ATP6V1G1: variants seen among roughly 807,000 people sequenced by gnomAD.
ATP6V1G1 encodes the protein ATPase H+ transporting V1 subunit G1, also known as V-type proton ATPase subunit G 1.
Under a neutral mutation model 14.2 loss-of-function variants are expected in ATP6V1G1, and 14 were observed. That is an observed-to-expected ratio of 0.99 (90% CI 0.65 to 1.55). ATP6V1G1 has a LOEUF of 1.55. Ranked by LOEUF, ATP6V1G1 falls within the 40% of genes most tolerant of loss-of-function variation. The pLI is 0.00. For missense variants in ATP6V1G1, 137 were observed against 146.4 expected, an observed-to-expected ratio of 0.94 and a Z score of 0.33; for synonymous variants, 65 against 53.3, an observed-to-expected ratio of 1.22 and a Z score of -0.96.
chr9:114,597,152 G>A lies in ATP6V1G1; in HGVS notation c.184-418G>A, dbSNP rs183883726. ...ACTACAGGCGCCCGCTACCACGCCC[G>A]GCTAATTTTTTGTATTTTTAGTAGA... On this transcript the variant is annotated intron_variant, in intron 2 of 2. Transcript: ENST00000374050. 5.0e-3 allele frequency among the ~76,000 whole-genome samples: 754 copies of A among 151,644 alleles called. 2 individuals carry two copies. Among genetic ancestry groups the A allele is most frequent in the Non-Finnish European group, 7.8e-3 (531 of 67,888 alleles).
chr9:114,590,690 T>C (rs1845174535), intron 1 of ATP6V1G1, among the ~76,000 whole-genome samples: 1 of 152,032 alleles, frequency 6.6e-6, no homozygotes, highest in South Asian at 2.1e-4. Context: ...AGTTAAGAGT[T>C]GGGAAGAGGC....
chr9:114,596,077 G>A (rs1032301440), intron 2 of ATP6V1G1, among the ~76,000 whole-genome samples: 1 of 152,084 alleles, frequency 6.6e-6, no homozygotes, highest in Non-Finnish European at 1.5e-5. Context: ...GTCAGTGTGT[G>A]TGAAATTGCT....
At chr9:114,593,484 T>G (rs1045956816) in intron 2 of ATP6V1G1, among the ~76,000 whole-genome samples, 1 of 152,012 alleles carries the variant, frequency 6.6e-6, no homozygotes, top group African/African-American at 2.4e-5. Flanking sequence ...TAGCAAAAAT[T>G]TTGATCAATT....
chr9:114,588,197 C>T (rs1312332270), intron 1 of ATP6V1G1: 1 of 459,444 alleles, frequency 2.2e-6, no homozygotes, highest in Non-Finnish European at 3.9e-6. Flanking sequence ...CCAAACGGAG[C>T]TCTTTGTTCT....
chr9:114,588,980 TGTG>T (rs1010708098), intron 1 of ATP6V1G1, among the ~76,000 whole-genome samples: 34 of 152,324 alleles, frequency 2.2e-4, no homozygotes, highest in Admixed American at 2.1e-3. Context: ...ACTGAATCGT[TGTG>T]GTCCCTCAGA....
rs145764555 is a variant in ATP6V1G1 at position 114,598,290 on chromosome 9, T to A, written c.*547T>A. Reference sequence around the variant, plus strand: ...GCTTTTAGTTTCTCTTAATCAAAATTACTAGATGATAGAATTCAAGAACTT... The same window carrying A: ...GCTTTTAGTTTCTCTTAATCAAAATAACTAGATGATAGAATTCAAGAACTT... On this transcript the variant is annotated 3_prime_UTR_variant, in exon 3 of 3. Transcript: ENST00000374050. 7 of 152,742 alleles carry A rather than the reference T, an allele frequency of 4.6e-5. No individual in the cohort carries two copies. Among genetic ancestry groups the A allele is most frequent in the African/African-American group, 1.7e-4 (7 of 41,574 alleles). 9.5% of individuals were successfully genotyped at this position (152,742 alleles called of 1,614,324 possible).
rs1845258406 is a variant in ATP6V1G1 at position 114,597,983 on chromosome 9, CT to C, written c.*247del. 1 of 275,488 alleles carries C rather than the reference CT, an allele frequency of 3.6e-6. No individual in the cohort carries two copies. Among genetic ancestry groups the C allele is most frequent in the Non-Finnish European group, 6.5e-6 (1 of 153,350 alleles). The allele number at this position is 275,488 out of a possible 1,614,324, so 17.1% of individuals were successfully genotyped here. A position where few individuals can be genotyped will look rare whatever the true frequency, so the allele number is the denominator to read the frequency against. ...TAGGAATTTAATGGTTATATGTTGTCTTTTTTTCCTATGTCTTTTGGCTCAA... is the reference window on the plus strand; with the variant it reads ...TAGGAATTTAATGGTTATATGTTGTCTTTTTTCCTATGTCTTTTGGCTCAA... On this transcript the variant is annotated 3_prime_UTR_variant, in exon 3 of 3. Transcript: ENST00000374050.
intron 1 of ATP6V1G1, chr9:114,588,182 G>C (rs1359189448): frequency 1.8e-5 from 9 of 512,082 alleles, no homozygotes; most frequent in Non-Finnish European, 2.4e-5. Flanking sequence ...TGTGAAATGG[G>C]CTCTCCAAAC....
Position 114,597,519 on chromosome 9 carries a change from A to G in ATP6V1G1, c.184-51A>G, listed in dbSNP as rs368300242. 33 of 1,406,020 alleles carry G rather than the reference A, an allele frequency of 2.3e-5. No homozygotes were observed. In the African/African-American group the frequency reaches 3.7e-4, roughly 16 times the overall value. The allele number at this position is 1,406,020 out of a possible 1,614,324, so 87.1% of individuals were successfully genotyped here. A position where few individuals can be genotyped will look rare whatever the true frequency, so the allele number is the denominator to read the frequency against. The stretch of plus-strand genomic sequence containing the variant: ...GTAGCTTACGAAATGTACCTGACCA[A>G]CCAGAGCATTGTTCTGATAATCCCT... On this transcript the variant is annotated intron_variant, in intron 2 of 2. Coordinates refer to ENST00000374050, the MANE Select transcript of ATP6V1G1 (RefSeq NM_004888.4).
chr9:114,589,026 G>A (rs1372946762), intron 1 of ATP6V1G1, among the ~76,000 whole-genome samples: 1 of 152,230 alleles, frequency 6.6e-6, no homozygotes, highest in Non-Finnish European at 1.5e-5. Context: ...GCAGGTTTTT[G>A]CACACGCTGT....
At chr9:114,591,451 G>T (rs180752842) in intron 1 of ATP6V1G1, among the ~76,000 whole-genome samples, 1 of 152,312 alleles carries the variant, frequency 6.6e-6, no homozygotes, top group Non-Finnish European at 1.5e-5. Context: ...TATAGCTGAT[G>T]GGAAGATAGC....
At chr9:114,588,767 C>T (rs1230548653) in intron 1 of ATP6V1G1, among the ~76,000 whole-genome samples, 5 of 152,122 alleles carry the variant, frequency 3.3e-5, no homozygotes, top group African/African-American at 1.2e-4. Flanking sequence ...TCAATCCATT[C>T]TCCTCTCTGC....
In ATP6V1G1 at chr9:114,597,983, C is replaced by T; in HGVS notation, c.*240C>T. 1 of 275,494 alleles carries T rather than the reference C, an allele frequency of 3.6e-6. No homozygotes were observed. The highest frequency in any genetic ancestry group is 6.5e-6 in the Non-Finnish European group (1 of 153,354). The allele number at this position is 275,494 out of a possible 1,614,324, so 17.1% of individuals were successfully genotyped here. On this transcript the variant is annotated 3_prime_UTR_variant, in exon 3 of 3. Coordinates refer to ENST00000374050, the MANE Select transcript of ATP6V1G1 (RefSeq NM_004888.4). ...TAGGAATTTAATGGTTATATGTTGT[C>T]TTTTTTTCCTATGTCTTTTGGCTCA...
Position 114,597,556 on chromosome 9 carries a change from C to G in ATP6V1G1, c.184-14C>G. 2 of 1,486,116 alleles carry G rather than the reference C, an allele frequency of 1.3e-6. No homozygotes were observed. The highest frequency in any genetic ancestry group is 1.8e-6 in the Non-Finnish European group (2 of 1,117,696). The allele number at this position is 1,486,116 out of a possible 1,614,324, so 92.1% of individuals were successfully genotyped here. Reference sequence around the variant, plus strand: ...TTCTGATAATCCCTCCGTGACATCACTCCCCATCTCCAGGCATTGGGATCC... The same window carrying G: ...TTCTGATAATCCCTCCGTGACATCAGTCCCCATCTCCAGGCATTGGGATCC... On this transcript the variant is annotated splice_polypyrimidine_tract_variant and intron_variant, in intron 2 of 2. Coordinates refer to ENST00000374050, the MANE Select transcript of ATP6V1G1 (RefSeq NM_004888.4).
At chr9:114,588,510 A>AGTGTGTGTGT (rs66783144) in intron 1 of ATP6V1G1, among the ~76,000 whole-genome samples, 3,104 of 147,168 alleles carry the variant, frequency 0.021, 65 homozygotes, top group East Asian at 0.052. Context: ...TGGCAAGCGC[A>AGTGTGTGTGT]GTGTGTGTGT....
At chr9:114,591,758 A>C (rs1426903769) in intron 1 of ATP6V1G1, among the ~76,000 whole-genome samples, 1 of 152,108 alleles carries the variant, frequency 6.6e-6, no homozygotes, top group Admixed American at 6.5e-5. Flanking sequence ...TTTTAGATGC[A>C]GGATGTCTTT....
chr9:114,592,701 C>A, intron 2 of ATP6V1G1, 49 bp downstream of exon 2: 2 of 1,527,272 alleles, frequency 1.3e-6, no homozygotes, highest in Non-Finnish European at 1.8e-6. Context: ...GATCCCCTGT[C>A]CCGCCAAGGC....
intron 2 of ATP6V1G1, among the ~76,000 whole-genome samples, chr9:114,595,508 G>A (rs554809936): frequency 1.2e-4 from 18 of 152,200 alleles, no homozygotes; most frequent in Admixed American, 6.5e-4. Context: ...ACAGAAATTA[G>A]CCGGGCATGG....
chr9:114,596,230 A>C (rs964631408), intron 2 of ATP6V1G1, among the ~76,000 whole-genome samples: 1 of 151,440 alleles, frequency 6.6e-6, no homozygotes, highest in Non-Finnish European at 1.5e-5. Flanking sequence ...AAAAACACAG[A>C]AAAAAAAATT....
Sources: allele counts gnomAD v4.1 joint callset (sites outside exome capture counted in the v4.1 genomes callset), GRCh38; gene constraint gnomAD v4.1.1; transcripts MANE v1.5; gene names NCBI Gene and HGNC (gene_info 2026-07-23, HGNC 2026-07-21).